The following RIPOR2 variants were observed in gnomAD, a reference collection of about 807,000 sequenced individuals.
RIPOR2 encodes the protein RHO family interacting cell polarization regulator 2, also known as rho family-interacting cell polarization regulator 2.
In RIPOR2, 39 loss-of-function variants were observed where a neutral mutation model predicts 114.5. The ratio of observed to expected loss-of-function variants is 0.34; its 90% confidence interval spans 0.26 to 0.44. The LOEUF (loss-of-function observed/expected upper bound fraction) is 0.44, where lower values mean the gene tolerates loss of function less well. RIPOR2 is among the 20% of genes least tolerant of loss of function. The pLI is 1.00. For synonymous variants in RIPOR2, 445 were observed against 484.4 expected, an observed-to-expected ratio of 0.92 and a Z score of 1.07; for missense variants, 1,007 against 1,255.1, an observed-to-expected ratio of 0.80 and a Z score of 2.99.
At chr6:24,879,827 T>G (rs1766183790) in intron 1 of RIPOR2, among the ~76,000 whole-genome samples, 1 of 152,220 alleles carries the variant, frequency 6.6e-6, no homozygotes, top group African/African-American at 2.4e-5. Flanking sequence ...CTTAGCATCT[T>G]ATATCTTTAG....
intron 1 of RIPOR2, among the ~76,000 whole-genome samples, chr6:24,918,149 AT>A (rs1770222760): frequency 6.6e-6 from 1 of 152,158 alleles, no homozygotes; most frequent in South Asian, 2.1e-4. Flanking sequence ...GGGAATATGC[AT>A]TCCCTGGCTC....
chr6:25,019,609 C>A (rs1448744440), intron 1 of RIPOR2, among the ~76,000 whole-genome samples: 1 of 150,336 alleles, frequency 6.7e-6, no homozygotes, highest in East Asian at 1.9e-4. Flanking sequence ...CCCCTCTCTA[C>A]TAAAAATACA....
intron 1 of RIPOR2, among the ~76,000 whole-genome samples, chr6:24,903,188 C>T (rs932615156): frequency 1.3e-5 from 2 of 152,170 alleles, no homozygotes; most frequent in African/African-American, 4.8e-5. Flanking sequence ...TGGGCTTCCT[C>T]CTAGCATGGT....
chr6:24,923,856 A>T (rs186971825), intron 1 of RIPOR2, among the ~76,000 whole-genome samples: 4 of 152,148 alleles, frequency 2.6e-5, no homozygotes, highest in Non-Finnish European at 2.9e-5. Context: ...TCAAAAAAAT[A>T]AAATAAATAA....
chr6:24,903,516 T>C lies in RIPOR2; in HGVS notation c.62-27699A>G, dbSNP rs372237888. Among the ~76,000 whole-genome samples, 7 of 152,302 alleles carry C rather than the reference T, an allele frequency of 4.6e-5. No individual in the cohort carries two copies. The East Asian group carries it at 7.7e-4, about 17-fold the overall frequency. On this transcript the variant is annotated intron_variant, in intron 1 of 21. Transcript: ENST00000643898. ...TAAAGGTTAAATTTTAGAAATTCAA[T>C]ATTTATCCCTGAAATGGATACTTAC... is the stretch of plus-strand genomic sequence containing the variant.
intron 1 of RIPOR2, among the ~76,000 whole-genome samples, chr6:24,934,676 A>G (rs1771639073): frequency 6.6e-6 from 1 of 152,222 alleles, no homozygotes; most frequent in Admixed American, 6.5e-5. Flanking sequence ...TTCTTGCGGA[A>G]AATAATCAAA....
intron 1 of RIPOR2, among the ~76,000 whole-genome samples, chr6:25,028,796 C>T (rs1158728477): frequency 6.6e-6 from 1 of 152,156 alleles, no homozygotes; most frequent in African/African-American, 2.4e-5. Flanking sequence ...AAGTTTTAAT[C>T]AATTTTATCA....
intron 1 of RIPOR2, among the ~76,000 whole-genome samples, chr6:25,010,679 TATAGATCCTATATTATTCAGGCA>T (rs1202948420): frequency 2.0e-5 from 3 of 152,216 alleles, no homozygotes; most frequent in Non-Finnish European, 4.4e-5. Context: ...GAGCCTGTGC[TATAGATCCTATATTATTCAGGCA>T]AGCAGGAAAG....
chr6:25,004,814 C>T (rs905111187), intron 1 of RIPOR2, among the ~76,000 whole-genome samples: 2 of 151,884 alleles, frequency 1.3e-5, no homozygotes, highest in African/African-American at 4.8e-5. Context: ...TGCATGCGCA[C>T]GTGTGTGCAT....
At chr6:24,811,053 C>T (rs561867401) in intron 20 of RIPOR2, among the ~76,000 whole-genome samples, 2 of 152,188 alleles carry the variant, frequency 1.3e-5, no homozygotes, top group East Asian at 3.9e-4. Context: ...GATCCACCGG[C>T]CTCAGCCTCC....
At position 25,037,544 on chromosome 6, in the gene RIPOR2, C is replaced by A. The variant is rs1400873612; in HGVS notation, c.76+4307G>T. On this transcript the variant is annotated intron_variant, in intron 1 of 13. Coordinates refer to the RIPOR2 transcript ENST00000510784. This position sits in a 1 kb window ranked among gnomAD's most constrained non-coding sequence, Gnocchi z 4.5. Reference sequence around the variant, plus strand: ...CTTCTCCCGAATGTCTGCTCAGTATCACACATGTGTGTCTTTGTAGTGACC... The same window carrying A: ...CTTCTCCCGAATGTCTGCTCAGTATAACACATGTGTGTCTTTGTAGTGACC... 6.6e-6 allele frequency among the ~76,000 whole-genome samples: 1 copy of A among 152,170 alleles called. No individual in the cohort carries two copies. The highest frequency in any genetic ancestry group is 6.5e-5 in the Admixed American group (1 of 15,280).
chr6:24,898,685 A>G (rs1229661006), intron 1 of RIPOR2: 1 of 152,160 alleles, frequency 6.6e-6, no homozygotes, highest in Non-Finnish European at 1.5e-5. Context: ...CATATAAGAC[A>G]TTACTTTTAC....
rs1771005479 is a variant in RIPOR2 at position 24,927,290 on chromosome 6, C to CTACAACTACAGTTACCACCACCAT, written c.61+8547_61+8548insATGGTGGTGGTAACTGTAGTTGTA. 3.8e-5 allele frequency among the ~76,000 whole-genome samples: 3 copies of CTACAACTACAGTTACCACCACCAT among 79,266 alleles called. 1 individual carries two copies. The highest frequency in any genetic ancestry group is 1.4e-4 in the African/African-American group (3 of 20,906). The allele number at this position is 79,266 out of a possible 152,430, so 52.0% of individuals were successfully genotyped here. A position where few individuals can be genotyped will look rare whatever the true frequency, so the allele number is the denominator to read the frequency against. ...ACAGCTACAATCACCACCACCACCA[C>CTACAACTACAGTTACCACCACCAT]CACCACCACCACCACAACTACAATC... On this transcript the variant is annotated intron_variant, in intron 1 of 21. Transcript: ENST00000643898.
intron 1 of RIPOR2, among the ~76,000 whole-genome samples, chr6:25,029,429 A>C (rs1776801638): frequency 6.6e-6 from 1 of 151,410 alleles, no homozygotes; most frequent in African/African-American, 2.4e-5. Flanking sequence ...AAAAAAAAAA[A>C]AAAAGAAGAA....
chr6:24,809,542 T>C (rs1169547272), intron 21 of RIPOR2, among the ~76,000 whole-genome samples, 175 bp downstream of exon 21: 1 of 152,218 alleles, frequency 6.6e-6, no homozygotes. Context: ...TGGGGTGAGA[T>C]AGACACTGAT....
chr6:24,867,978 T>C (rs988553196), intron 6 of RIPOR2, among the ~76,000 whole-genome samples: 10 of 152,252 alleles, frequency 6.6e-5, no homozygotes, highest in African/African-American at 2.4e-4. Context: ...TAATACTGAT[T>C]GTTTTCTTGC....
chr6:24,868,038 T>C (rs1197982905), intron 6 of RIPOR2, among the ~76,000 whole-genome samples: 1 of 152,230 alleles, frequency 6.6e-6, no homozygotes, highest in Non-Finnish European at 1.5e-5. Flanking sequence ...GCCACATAAA[T>C]ACCTTCTGAT....
At chr6:24,832,707 C>T (rs900255640) in intron 15 of RIPOR2, among the ~76,000 whole-genome samples, 2 of 152,136 alleles carry the variant, frequency 1.3e-5, no homozygotes, top group Non-Finnish European at 2.9e-5. Flanking sequence ...ACGTGAGGGG[C>T]AGTTTAGGCT....
At chr6:24,942,502 T>C (rs887799503) in intron 1 of RIPOR2, among the ~76,000 whole-genome samples, 2 of 152,202 alleles carry the variant, frequency 1.3e-5, no homozygotes, top group Non-Finnish European at 2.9e-5. Context: ...ACTTCCACAA[T>C]GGTTGAACTA....
Sources: gnomAD v4.1 joint callset for allele counts (sites outside exome capture counted in the v4.1 genomes callset) on GRCh38, gnomAD v4.1.1 for gene constraint, Gnocchi (gnomAD v3.1) non-coding constraint, MANE v1.5 for transcripts, NCBI Gene and HGNC (gene_info 2026-07-23, HGNC 2026-07-21) for gene names.